TOMM70: variants seen among roughly 807,000 people sequenced by gnomAD.
TOMM70 encodes the protein translocase of outer mitochondrial membrane 70, also known as mitochondrial import receptor subunit TOM70.
Under a neutral mutation model 73.6 loss-of-function variants are expected in TOMM70, and 13 were observed. The observed-to-expected ratio is 0.18, with a 90% confidence interval of 0.11 to 0.28. The LOEUF is 0.28. TOMM70 is among the 10% of genes least tolerant of loss of function. The probability of loss-of-function intolerance (pLI) is 1.00; values close to 1 mark genes in which losing one functional copy is unlikely to be tolerated. For synonymous variants in TOMM70, 257 were observed against 271.2 expected (o/e 0.95, Z 0.51); for missense variants, 609 against 747.5 (o/e 0.81, Z 2.16).
intron 1 of TOMM70, among the ~76,000 whole-genome samples, chr3:100,388,491 C>G (rs1000165746): frequency 6.6e-6 from 1 of 152,152 alleles, no homozygotes; most frequent in South Asian, 2.1e-4. Context: ...TGAGGCAGAA[C>G]TGCTTGAGCC....
At chr3:100,375,771 T>TACCAGG (rs1706556331) in intron 6 of TOMM70, among the ~76,000 whole-genome samples, 1 of 152,154 alleles carries the variant, frequency 6.6e-6, no homozygotes, top group Non-Finnish European at 1.5e-5. Context: ...TTACCCAGGG[T>TACCAGG]AGTCTAGAAC....
Position 100,372,531 on chromosome 3 carries a change from A to T in TOMM70, c.1452+75T>A, listed in dbSNP as rs765963408. The stretch of plus-strand genomic sequence containing the variant: ...CCAAAGAAGCTGCAACCATGATAGC[A>T]CTGTTTTCTGATTTCCATACTGAGA... On this transcript the variant is annotated intron_variant, in intron 9 of 11. Transcript: ENST00000284320. 193 of 1,182,380 alleles carry T rather than the reference A, an allele frequency of 1.6e-4. No individual in the cohort carries two copies. In the Middle Eastern group the frequency reaches 6.5e-3, roughly 40 times the overall value. 73.2% of individuals were successfully genotyped at this position (1,182,380 alleles called of 1,614,324 possible).
At chr3:100,395,951 GA>G (rs1422488836) in intron 1 of TOMM70, among the ~76,000 whole-genome samples, 2 of 150,130 alleles carry the variant, frequency 1.3e-5, no homozygotes, top group Non-Finnish European at 3.0e-5. Context: ...AGAAGTTTCA[GA>G]AAAGATGAAA....
At position 100,400,836 on chromosome 3, in the gene TOMM70, T is replaced by A; in HGVS notation, c.114A>T (p.Arg38=). Residue 38 remains arginine, a synonymous_variant, in exon 1 of 12, where the codon CGA becomes CGT. Coordinates refer to ENST00000284320, the MANE Select transcript of TOMM70 (RefSeq NM_014820.5). ...TAGPGTGGLP[R]WQLALAVGAP... Reference sequence around the variant, plus strand: ...CCCCGACCGCCAGAGCCAGCTGCCATCGCGGCAGCCCCCCCGTGCCCGGGC... The same window carrying A: ...CCCCGACCGCCAGAGCCAGCTGCCAACGCGGCAGCCCCCCCGTGCCCGGGC... The A allele has an allele frequency of 2.6e-6, 4 of 1,523,418 alleles. No homozygotes were observed. Among genetic ancestry groups the A allele is most frequent in the South Asian group, 1.2e-5 (1 of 83,304 alleles). The allele number at this position is 1,523,418 out of a possible 1,614,324, so 94.4% of individuals were successfully genotyped here.
intron 1 of TOMM70, among the ~76,000 whole-genome samples, chr3:100,390,491 C>T (rs1481271124): frequency 1.3e-5 from 2 of 152,088 alleles, no homozygotes; most frequent in African/African-American, 2.4e-5. Flanking sequence ...GTGGTGCTGC[C>T]GGTATAAACA....
At chr3:100,377,527 G>A (rs546720739) in intron 6 of TOMM70, 178 bp downstream of exon 6, 1 of 614,896 alleles carries the variant, frequency 1.6e-6, no homozygotes, top group South Asian at 2.2e-5. Flanking sequence ...AAATATCATT[G>A]ATATTTATGT....
intron 5 of TOMM70, 69 bp downstream of exon 5, chr3:100,381,546 T>G: frequency 6.7e-7 from 1 of 1,488,492 alleles, no homozygotes; most frequent in East Asian, 2.3e-5. Context: ...TCAGAACCCA[T>G]ATGGGCCCTA....
Position 100,387,599 on chromosome 3 carries a change from GACACAC to G in TOMM70, c.325-627_325-622del, listed in dbSNP as rs71752325. On this transcript the variant is annotated intron_variant, in intron 1 of 11. Transcript: ENST00000284320. Reference sequence around the variant, plus strand: ...GCTAAAAGACACAGACACAGACACAGACACACACACACACACACACACACACACACA... The same window carrying G: ...GCTAAAAGACACAGACACAGACACAGACACACACACACACACACACACACA... 6.4e-4 allele frequency among the ~76,000 whole-genome samples: 76 copies of G among 118,212 alleles called. No individual in the cohort carries two copies. In the Middle Eastern group the frequency reaches 0.014, roughly 22 times the overall value. 77.6% of individuals were successfully genotyped at this position (118,212 alleles called of 152,430 possible).
chr3:100,377,449 G>A (rs1706578126), intron 6 of TOMM70: 1 of 425,534 alleles, frequency 2.3e-6, no homozygotes, highest in African/African-American at 2.0e-5. Flanking sequence ...GGTAGGCAGT[G>A]GCTACAGGGA....
chr3:100,391,798 G>A (rs1431451214), intron 1 of TOMM70, among the ~76,000 whole-genome samples: 3 of 152,082 alleles, frequency 2.0e-5, no homozygotes, highest in South Asian at 2.1e-4. Flanking sequence ...GTTAATTATC[G>A]AAGAAAAGTA....
intron 9 of TOMM70, among the ~76,000 whole-genome samples, chr3:100,371,259 ATTT>A (rs61515802): frequency 6.9e-4 from 68 of 98,648 alleles, no homozygotes; most frequent in African/African-American, 2.0e-3. Context: ...CAGCGATGGT[ATTT>A]TTTTTTTTTT....
At chr3:100,400,558 G>A in intron 1 of TOMM70, 68 bp downstream of exon 1, 1 of 1,547,088 alleles carries the variant, frequency 6.5e-7, no homozygotes, top group Non-Finnish European at 8.8e-7. Context: ...CCCCCTCACT[G>A]ACACAACCCG....
At chr3:100,381,035 T>C (rs958352989) in intron 5 of TOMM70, among the ~76,000 whole-genome samples, 4 of 152,104 alleles carry the variant, frequency 2.6e-5, no homozygotes, top group African/African-American at 9.7e-5. Flanking sequence ...TATTGATAAA[T>C]ACGAATGGAA....
intron 9 of TOMM70, among the ~76,000 whole-genome samples, chr3:100,371,265 T>C (rs1385423322): frequency 6.8e-6 from 1 of 146,126 alleles, no homozygotes; most frequent in Non-Finnish European, 1.5e-5. Flanking sequence ...TGGTATTTTT[T>C]TTTTTTTTTT....
At chr3:100,399,142 C>T (rs1247495873) in intron 1 of TOMM70, among the ~76,000 whole-genome samples, 1 of 152,018 alleles carries the variant, frequency 6.6e-6, no homozygotes, top group Non-Finnish European at 1.5e-5. Flanking sequence ...ATTAGCGGGG[C>T]ATGGTGGCGC....
At chr3:100,398,662 A>C (rs1706851292) in intron 1 of TOMM70, among the ~76,000 whole-genome samples, 1 of 152,222 alleles carries the variant, frequency 6.6e-6, no homozygotes, top group Non-Finnish European at 1.5e-5. Flanking sequence ...ATCAATTTTT[A>C]GTACTGAAAG....
At chr3:100,370,538 T>G (rs1367576700) in intron 9 of TOMM70, among the ~76,000 whole-genome samples, 1 of 152,132 alleles carries the variant, frequency 6.6e-6, no homozygotes, top group East Asian at 1.9e-4. Flanking sequence ...ACGGCTGAAA[T>G]GGAAGGCACA....
intron 1 of TOMM70, among the ~76,000 whole-genome samples, chr3:100,398,745 C>G (rs929707082): frequency 2.0e-5 from 3 of 152,200 alleles, no homozygotes; most frequent in Admixed American, 6.5e-5. Flanking sequence ...GACAAAATGA[C>G]TTTCCCAAAG....
chr3:100,373,572 G>A lies in TOMM70; in HGVS notation c.1301C>T (p.Ser434Phe). Residue 434 changes from serine to phenylalanine, a missense_variant, in exon 8 of 12, where the codon TCT becomes TTT. This residue lies in a region of TOMM70 where 432 missense variants were observed against 584.1 expected (regional missense o/e 0.74). Coordinates refer to ENST00000284320, the MANE Select transcript of TOMM70 (RefSeq NM_014820.5). ...FDECIRLRPE[S>F]ALAQAQKCFA... Reference sequence around the variant, plus strand: ...ACATTTCTGTGCTTGTGCCAGAGCAGACTCAGGTCTTAACCTAATACATTC... The same window carrying A: ...ACATTTCTGTGCTTGTGCCAGAGCAAACTCAGGTCTTAACCTAATACATTC... 6.2e-7 allele frequency: 1 copy of A among 1,611,844 alleles called. No homozygotes were observed.
Sources: gnomAD v4.1 joint callset for allele counts (sites outside exome capture counted in the v4.1 genomes callset) on GRCh38, gnomAD v4.1.1 for gene constraint, gnomAD v4.1.1 regional missense constraint, MANE v1.5 for transcripts, NCBI Gene and HGNC (gene_info 2026-07-23, HGNC 2026-07-21) for gene names.